The following FOCAD variants were observed in gnomAD, a reference collection of about 807,000 sequenced individuals.
FOCAD encodes the protein focadhesin.
FOCAD carries 198 observed loss-of-function variants against 225.6 expected under a neutral mutation model. The observed-to-expected ratio is 0.88, with a 90% CI of 0.78 to 0.99. FOCAD has a LOEUF of 0.99. Ranked by LOEUF, FOCAD falls within the 50% of genes least tolerant of loss-of-function variation. The pLI, the probability that FOCAD is intolerant of heterozygous loss-of-function variation, is 0.00. For synonymous variants in FOCAD, 897 were observed against 755.0 expected, an observed-to-expected ratio of 1.19 and a Z score of -3.08; for missense variants, 2,713 against 2,123.6, an observed-to-expected ratio of 1.28 and a Z score of -5.46.
chr9:20,978,519 C>A, intron 37 of FOCAD, 65 bp downstream of exon 37: 4 of 1,104,716 alleles, frequency 3.6e-6, no homozygotes, highest in Non-Finnish European at 3.9e-6. Context: ...TATTAACATT[C>A]ATTTGGGTGT....
chr9:20,806,774 T>C (rs1045171801), intron 11 of FOCAD, among the ~76,000 whole-genome samples: 21 of 152,210 alleles, frequency 1.4e-4, no homozygotes, highest in African/African-American at 4.6e-4. Context: ...ATAGATGGTA[T>C]GATTATAGTG....
At chr9:20,931,003 A>G (rs1361591603) in intron 27 of FOCAD, among the ~76,000 whole-genome samples, 1 of 152,206 alleles carries the variant, frequency 6.6e-6, no homozygotes, top group Non-Finnish European at 1.5e-5. Flanking sequence ...ATGTTTTGCA[A>G]CTAAAAATGA....
intron 24 of FOCAD, among the ~76,000 whole-genome samples, chr9:20,920,527 G>A (rs1229621337): frequency 5.6e-5 from 7 of 125,338 alleles, no homozygotes; most frequent in South Asian, 3.1e-4. Flanking sequence ...TGTTTATTGC[G>A]GCACTATTCA....
In FOCAD at chr9:20,937,119, G is replaced by A. The variant is rs559591901; in HGVS notation, c.3407+4016G>A. On this transcript the variant is annotated intron_variant, in intron 28 of 43. Coordinates refer to ENST00000338382, the MANE Select transcript of FOCAD (RefSeq NM_001375567.1). Reference sequence around the variant, plus strand: ...GAAGAACATTCCATGCTCATGGGTAGGAAGAATCAATATCGTGAAAATGGC... The same window carrying A: ...GAAGAACATTCCATGCTCATGGGTAAGAAGAATCAATATCGTGAAAATGGC... 2.2e-3 allele frequency among the ~76,000 whole-genome samples: 324 copies of A among 150,490 alleles called. 1 individual carries two copies. Among genetic ancestry groups the A allele is most frequent in the African/African-American group, 7.3e-3 (296 of 40,814 alleles).
intron 15 of FOCAD, among the ~76,000 whole-genome samples, chr9:20,837,322 C>T (rs1826088495): frequency 6.6e-6 from 1 of 152,034 alleles, no homozygotes; most frequent in Non-Finnish European, 1.5e-5. Context: ...CAGTCACAAA[C>T]CGAGGGCATT....
At chr9:20,980,506 AT>A (rs934361106) in intron 37 of FOCAD, among the ~76,000 whole-genome samples, 16 of 152,288 alleles carry the variant, frequency 1.1e-4, no homozygotes, top group African/African-American at 3.6e-4. Context: ...TGGTTAATAA[AT>A]TAAGTTTGTG....
chr9:20,938,057 A>G (rs34343359), intron 28 of FOCAD, among the ~76,000 whole-genome samples: 34,642 of 151,582 alleles, frequency 0.23, 4,301 homozygotes, highest in South Asian at 0.33. Context: ...TTAGAATGGC[A>G]ATCATTAAAA....
chr9:20,751,071 A>G (rs1176805892), intron 5 of FOCAD, among the ~76,000 whole-genome samples: 1 of 152,138 alleles, frequency 6.6e-6, no homozygotes, highest in Non-Finnish European at 1.5e-5. Flanking sequence ...GATTTGTGGC[A>G]GAGCCAGGAT....
At chr9:20,881,588 C>T (rs7036993) in intron 19 of FOCAD, among the ~76,000 whole-genome samples, 87,192 of 151,812 alleles carry the variant, frequency 0.57, 25,198 homozygotes, top group East Asian at 0.67. Context: ...TGGAGAGAAA[C>T]TGATGGATTT....
rs371732207 is a variant in FOCAD, at chr9:20,963,475, G to A, written c.4132+10410G>A. ...ATCCTCTGGAAACTCCAAAGTCTTT[G>A]TAGTGGATTCTCTCAAAGTGCCTGG... On this transcript the variant is annotated intron_variant, in intron 35 of 43. Transcript: ENST00000338382. 1.2e-4 allele frequency among the ~76,000 whole-genome samples: 19 copies of A among 152,266 alleles called. No individual in the cohort carries two copies. The South Asian group carries it at 3.7e-3, about 30-fold the overall frequency.
chr9:20,747,179 A>G (rs960403990), intron 5 of FOCAD, among the ~76,000 whole-genome samples: 8 of 151,978 alleles, frequency 5.3e-5, no homozygotes, highest in African/African-American at 2.4e-5. Flanking sequence ...GATTTTCCCA[A>G]CTCCACCACT....
In FOCAD at chr9:20,981,672, C is replaced by T. The variant is rs751234813; in HGVS notation, c.4624C>T (p.Pro1542Ser). ...EATGKIFDLL[P>S]NKIRRKDLEL... is the part of the protein sequence containing the mutation. The stretch of plus-strand genomic sequence containing the variant: ...TACTGGGAAAATTTTTGACCTCCTG[C>T]CAAATAAGATTCGGGTGAGGAACAA... Residue 1542 changes from proline (P) to serine (S), a missense_variant, in exon 38 of 44, where the codon CCA (proline) becomes TCA (serine). Transcript: ENST00000338382. 6.2e-7 allele frequency: 1 copy of T among 1,608,480 alleles called. No individual in the cohort carries two copies. Among genetic ancestry groups the T allele is most frequent in the Non-Finnish European group, 8.5e-7 (1 of 1,177,904 alleles).
chr9:20,959,143 A>C (rs1380868464), intron 35 of FOCAD, among the ~76,000 whole-genome samples: 1 of 152,156 alleles, frequency 6.6e-6, no homozygotes. Context: ...ACTAGTTTAC[A>C]TTCCCACCAA....
At chr9:20,942,133 T>C (rs1199656152) in intron 28 of FOCAD, among the ~76,000 whole-genome samples, 3 of 152,236 alleles carry the variant, frequency 2.0e-5, no homozygotes, top group South Asian at 4.1e-4. Context: ...CACTGTTATA[T>C]ATTCATATGT....
intron 10 of FOCAD, among the ~76,000 whole-genome samples, chr9:20,783,583 ATT>A (rs11355264): frequency 8.2e-4 from 118 of 143,614 alleles, no homozygotes; most frequent in African/African-American, 1.7e-3. Flanking sequence ...TGACTATTGG[ATT>A]TTTTTTTTTT....
intron 34 of FOCAD, among the ~76,000 whole-genome samples, chr9:20,952,749 A>G (rs1391672191): frequency 2.0e-5 from 3 of 151,892 alleles, no homozygotes; most frequent in African/African-American, 4.8e-5. Flanking sequence ...TTTTTTTTCC[A>G]GACTTTTCTA....
chr9:20,728,294 A>G (rs1206207577), intron 4 of FOCAD, among the ~76,000 whole-genome samples: 4 of 152,200 alleles, frequency 2.6e-5, no homozygotes, highest in Non-Finnish European at 5.9e-5. Context: ...ATATAAAGAG[A>G]TATCTTGGAT....
Position 20,990,310 on chromosome 9 carries a change from C to T in FOCAD, c.5192C>T (p.Thr1731Ile). ...MHRVTLQEVL[T>I]LLPNSMALLL... Reference sequence around the variant, plus strand: ...AGGGTCACTCTGCAGGAGGTTCTCACTCTCCTTCCCAATAGCATGGCTCTG... The same window carrying T: ...AGGGTCACTCTGCAGGAGGTTCTCATTCTCCTTCCCAATAGCATGGCTCTG... Residue 1731 changes from threonine to isoleucine, a missense_variant, in exon 42 of 44, where the codon ACT becomes ATT. Physicochemically the swap from Thr to Ile is moderately conservative, Grantham distance 89. Transcript: ENST00000338382. 2 of 1,614,010 alleles carry T rather than the reference C, an allele frequency of 1.2e-6. No individual in the cohort carries two copies. Among genetic ancestry groups the T allele is most frequent in the Non-Finnish European group, 1.7e-6 (2 of 1,179,922 alleles).
intron 15 of FOCAD, among the ~76,000 whole-genome samples, chr9:20,850,120 A>G (rs1172487648): frequency 2.0e-5 from 3 of 151,788 alleles, no homozygotes; most frequent in African/African-American, 4.8e-5. Context: ...AAATTTAAAA[A>G]AACTCTTAGT....
Sources: allele counts gnomAD v4.1 joint callset (sites outside exome capture counted in the v4.1 genomes callset), GRCh38; gene constraint gnomAD v4.1.1; transcripts MANE v1.5; gene names NCBI Gene and HGNC (gene_info 2026-07-23, HGNC 2026-07-21).